CSMD3: variants seen among roughly 807,000 people sequenced by gnomAD.
The protein encoded by CSMD3 is CUB and Sushi multiple domains 3.
Under a neutral mutation model 435.2 loss-of-function variants are expected in CSMD3, and 177 were observed. The ratio of observed to expected loss-of-function variants is 0.41; its 90% CI spans 0.36 to 0.46. The LOEUF (loss-of-function observed/expected upper bound fraction) is 0.46. Among genes scored for constraint, CSMD3 ranks in the 20% least tolerant of loss-of-function variants. The probability of loss-of-function intolerance (pLI) is 0.34; values close to 1 mark genes in which losing one functional copy is unlikely to be tolerated. For synonymous variants in CSMD3, 1,656 were observed against 1,520.5 expected (o/e 1.09, Z -2.07); for missense variants, 4,265 against 4,504.6 (o/e 0.95, Z 1.52).
intron 1 of CSMD3, among the ~76,000 whole-genome samples, chr8:113,361,258 A>C (rs1171285850): frequency 6.6e-6 from 1 of 152,162 alleles, no homozygotes; most frequent in East Asian, 1.9e-4. Flanking sequence ...TTGCATTTTA[A>C]ATTCAGTGCT....
chr8:113,161,111 A>T (rs936718769), intron 4 of CSMD3, among the ~76,000 whole-genome samples: 3 of 152,132 alleles, frequency 2.0e-5, no homozygotes, highest in African/African-American at 7.2e-5. Flanking sequence ...TGGGAATTTT[A>T]GTCTATTCTC....
intron 21 of CSMD3, among the ~76,000 whole-genome samples, chr8:112,637,648 ACATTATAATTT>A (rs1405144525): frequency 6.6e-6 from 1 of 152,114 alleles, no homozygotes; most frequent in Non-Finnish European, 1.5e-5. Flanking sequence ...AGTTGATTAA[ACATTATAATTT>A]ATATACAGTC....
chr8:112,780,438 A>C (rs748343676), intron 13 of CSMD3, among the ~76,000 whole-genome samples: 2 of 152,104 alleles, frequency 1.3e-5, no homozygotes, highest in Non-Finnish European at 2.9e-5. Flanking sequence ...AGTGACCGTC[A>C]ACATCTGACA....
intron 32 of CSMD3, among the ~76,000 whole-genome samples, chr8:112,420,030 C>A (rs1479066820): frequency 2.0e-5 from 3 of 151,998 alleles, no homozygotes; most frequent in Admixed American, 6.6e-5. Flanking sequence ...ATTTAATCAC[C>A]TTTCATATTT....
intron 4 of CSMD3, among the ~76,000 whole-genome samples, chr8:113,148,374 C>T (rs2091727979): frequency 6.6e-6 from 1 of 151,740 alleles, no homozygotes. Flanking sequence ...TTGCCTTCCA[C>T]AACCCTGCGG....
At chr8:113,431,829 A>C (rs2094675500) in intron 1 of CSMD3, among the ~76,000 whole-genome samples, 1 of 152,112 alleles carries the variant, frequency 6.6e-6, no homozygotes, top group Admixed American at 6.5e-5. Context: ...AGAATCATGC[A>C]CAGATGACAT....
rs73341918 is a variant in CSMD3 at position 113,336,597 on chromosome 8, G to T, written c.179-21804C>A. 3.5e-3 allele frequency among the ~76,000 whole-genome samples: 538 copies of T among 152,214 alleles called. 2 individuals carry two copies. Among genetic ancestry groups the T allele is most frequent in the African/African-American group, 0.012 (501 of 41,542 alleles). On this transcript the variant is annotated intron_variant, in intron 1 of 70. Transcript: ENST00000297405. Reference sequence around the variant, plus strand: ...TGAGTCTACCCCAGCAGTGGAATGGGAAGGGGAGGATTACCTCATTGCTGT... The same window carrying T: ...TGAGTCTACCCCAGCAGTGGAATGGTAAGGGGAGGATTACCTCATTGCTGT...
At chr8:112,946,266 C>T (rs141184451) in intron 9 of CSMD3, among the ~76,000 whole-genome samples, 135 of 151,782 alleles carry the variant, frequency 8.9e-4, no homozygotes, top group Non-Finnish European at 1.7e-3. Flanking sequence ...CATAAGTTAT[C>T]TCATGTGATC....
chr8:112,380,910 GT>G (rs1227441458), intron 37 of CSMD3, among the ~76,000 whole-genome samples: 2 of 151,998 alleles, frequency 1.3e-5, no homozygotes, highest in African/African-American at 2.4e-5. Flanking sequence ...TTTCCAATAT[GT>G]TTTTTTGAAG....
intron 37 of CSMD3, among the ~76,000 whole-genome samples, chr8:112,382,218 A>G (rs1829524048): frequency 1.3e-5 from 2 of 151,132 alleles, no homozygotes; most frequent in Non-Finnish European, 2.9e-5. Context: ...CAAGAATTCA[A>G]GGCTGCAGTG....
At chr8:113,045,216 C>T (rs2087779465) in intron 5 of CSMD3, among the ~76,000 whole-genome samples, 2 of 149,100 alleles carry the variant, frequency 1.3e-5, no homozygotes, top group Admixed American at 6.7e-5. Context: ...GCTTATGATA[C>T]CAAGAACAAT....
At chr8:112,230,277 A>G (rs916856421) in intron 69 of CSMD3, among the ~76,000 whole-genome samples, 1 of 152,174 alleles carries the variant, frequency 6.6e-6, no homozygotes, top group Non-Finnish European at 1.5e-5. Flanking sequence ...TATGTTAATG[A>G]GTGTTTTTAC....
intron 13 of CSMD3, among the ~76,000 whole-genome samples, chr8:112,783,655 T>C (rs2078459853): frequency 6.6e-6 from 1 of 152,066 alleles, no homozygotes; most frequent in Non-Finnish European, 1.5e-5. Context: ...AGTGACTAAA[T>C]GGATTTTTAA....
chr8:113,260,277 C>T (rs2093416325), intron 3 of CSMD3, among the ~76,000 whole-genome samples: 1 of 152,132 alleles, frequency 6.6e-6, no homozygotes, highest in African/African-American at 2.4e-5. Flanking sequence ...GTTTTCTAAT[C>T]CTATGCCATT....
intron 3 of CSMD3, among the ~76,000 whole-genome samples, chr8:113,256,189 G>T (rs892334684): frequency 6.6e-6 from 1 of 152,020 alleles, no homozygotes; most frequent in Non-Finnish European, 1.5e-5. Context: ...TTAATCTCTG[G>T]TTGTGTTGAT....
intron 10 of CSMD3, among the ~76,000 whole-genome samples, chr8:112,902,167 C>T (rs1018553258): frequency 6.6e-6 from 1 of 151,118 alleles, no homozygotes. Context: ...AAGGAGACAG[C>T]CTTTATCTAG....
At chr8:113,345,701 C>T (rs182506506) in intron 1 of CSMD3, among the ~76,000 whole-genome samples, 1 of 152,124 alleles carries the variant, frequency 6.6e-6, no homozygotes, top group East Asian at 1.9e-4. Flanking sequence ...TTTTTAAAAA[C>T]ATTTTACATG....
chr8:113,204,731 G>A (rs1051350884), intron 3 of CSMD3, among the ~76,000 whole-genome samples: 6 of 152,090 alleles, frequency 3.9e-5, no homozygotes, highest in Non-Finnish European at 8.8e-5. Context: ...ATGTTTAGAT[G>A]TACATGTACT....
At chr8:113,375,926 A>AT (rs1287391297) in intron 1 of CSMD3, among the ~76,000 whole-genome samples, 6 of 152,158 alleles carry the variant, frequency 3.9e-5, no homozygotes, top group African/African-American at 1.4e-4. Context: ...TGATATTTTA[A>AT]TTTTTTACCA....
Sources: gnomAD v4.1 joint callset for allele counts (sites outside exome capture counted in the v4.1 genomes callset) on GRCh38, gnomAD v4.1.1 for gene constraint, MANE v1.5 for transcripts, NCBI Gene and HGNC (gene_info 2026-07-23, HGNC 2026-07-21) for gene names.